Variants in STXBP4 observed in about 807,000 individuals in gnomAD.
STXBP4 encodes syntaxin-binding protein 4.
STXBP4 carries 55 observed loss-of-function variants against 76.1 expected under a neutral mutation model. The ratio of observed to expected loss-of-function variants is 0.72; its 90% confidence interval spans 0.58 to 0.91. The LOEUF (loss-of-function observed/expected upper bound fraction) is 0.91, where lower values mean the gene tolerates loss of function less well. Ranked by LOEUF, STXBP4 falls within the 40% of genes least tolerant of loss-of-function variation. STXBP4 has a pLI of 0.00. For missense variants in STXBP4, 618 were observed against 636.9 expected, an observed-to-expected ratio of 0.97 and a Z score of 0.32; for synonymous variants, 201 against 220.2, an observed-to-expected ratio of 0.91 and a Z score of 0.77.
chr17:55,032,607 T>A (rs773442398), intron 9 of STXBP4, among the ~76,000 whole-genome samples: 5 of 152,216 alleles, frequency 3.3e-5, no homozygotes, highest in Non-Finnish European at 7.3e-5. Context: ...TCTTCTCTGC[T>A]CTTTCTCAAG....
rs894338156 is a variant in STXBP4 at position 55,163,484 on chromosome 17, C to T, written c.*3573C>T. On this transcript the variant is annotated 3_prime_UTR_variant, in exon 18 of 18. Transcript: ENST00000376352. ...GTTCACTAAAGTACCAAGCACAATA[C>T]AAATGCATCTTCGAGTTCTTTGGGC... is the stretch of plus-strand genomic sequence containing the variant. 7 of 152,152 alleles carry T rather than the reference C, an allele frequency of 4.6e-5. No homozygotes were observed. The highest frequency in any genetic ancestry group is 1.2e-4 in the African/African-American group (5 of 41,436). 9.4% of individuals were successfully genotyped at this position (152,152 alleles called of 1,614,324 possible). A position where few individuals can be genotyped will look rare whatever the true frequency, so the allele number is the denominator to read the frequency against.
rs2079140670 is a variant in STXBP4, at chr17:55,073,008, A to G, written c.1120A>G (p.Ile374Val). The change falls in exon 13 of 18, where the codon ATC (isoleucine) becomes GTC (valine). Residue 374 changes from isoleucine (I) to valine (V), a missense_variant. Physicochemically the swap from Ile to Val is conservative, Grantham distance 29. Transcript: ENST00000376352. Reference protein sequence around the residue: ...HGMEMDYEEVIRLLEAKITEL... With the variant: ...HGMEMDYEEVVRLLEAKITEL... ...AATGGAAATGGACTATGAAGAAGTG[A>G]TCCGTCTGTTAGAGGCCAAGATTAC... is the stretch of plus-strand genomic sequence containing the variant. 1 of 1,614,028 alleles carries G rather than the reference A, an allele frequency of 6.2e-7. No individual in the cohort carries two copies. The highest frequency in any genetic ancestry group is 1.7e-5 in the Admixed American group (1 of 60,018).
chr17:54,999,247 G>A lies in STXBP4; in HGVS notation c.181-98G>A, dbSNP rs942128565. On this transcript the variant is annotated intron_variant, in intron 4 of 17. Coordinates refer to ENST00000376352, the MANE Select transcript of STXBP4 (RefSeq NM_178509.6). The stretch of plus-strand genomic sequence containing the variant: ...ATTTTACTTTTTACTCTTTTTGAAG[G>A]CATTCTTCACGAAAACTTTTCATTG... 21 of 883,656 alleles carry A rather than the reference G, an allele frequency of 2.4e-5. No individual in the cohort carries two copies. The Admixed American group carries it at 3.9e-4, about 17-fold the overall frequency. 54.7% of individuals were successfully genotyped at this position (883,656 alleles called of 1,614,324 possible). A position where few individuals can be genotyped will look rare whatever the true frequency, so the allele number is the denominator to read the frequency against.
rs2078502158 is a variant in STXBP4, at chr17:55,031,155, C to T, written c.667-13C>T. On this transcript the variant is annotated splice_polypyrimidine_tract_variant and intron_variant, in intron 8 of 17. Transcript: ENST00000376352. ...TTTGAAAAATTGCTTTTCATGAGTC[C>T]TTTATCTTCCAGGCTCTAAATTATC... 4 of 1,607,702 alleles carry T rather than the reference C, an allele frequency of 2.5e-6. No homozygotes were observed. The highest frequency in any genetic ancestry group is 2.6e-6 in the Non-Finnish European group (3 of 1,175,240).
intron 16 of STXBP4, among the ~76,000 whole-genome samples, chr17:55,139,551 A>C (rs1261093447): frequency 6.6e-6 from 1 of 152,116 alleles, no homozygotes; most frequent in Non-Finnish European, 1.5e-5. Flanking sequence ...GTGATGAATG[A>C]AGTAATCTAT....
At chr17:54,985,743 C>T (rs552437844) in intron 2 of STXBP4, 52 bp downstream of exon 2, 1 of 152,668 alleles carries the variant, frequency 6.6e-6, no homozygotes, top group East Asian at 1.9e-4. Context: ...AATTATTTTT[C>T]TGACTATAAG....
chr17:55,017,604 G>T (rs1408981043), intron 8 of STXBP4, among the ~76,000 whole-genome samples: 2 of 152,224 alleles, frequency 1.3e-5, no homozygotes, highest in Non-Finnish European at 2.9e-5. Flanking sequence ...CAGGAGGTAT[G>T]GGTTAGAAGG....
At chr17:55,047,223 T>C in intron 12 of STXBP4, 69 bp downstream of exon 12, 2 of 835,176 alleles carry the variant, frequency 2.4e-6, no homozygotes, top group Non-Finnish European at 3.7e-6. Flanking sequence ...TGTGTGAACA[T>C]ATGAGGTATA....
intron 12 of STXBP4, among the ~76,000 whole-genome samples, chr17:55,047,828 A>T (rs1169275786): frequency 6.6e-6 from 1 of 151,956 alleles, no homozygotes; most frequent in Non-Finnish European, 1.5e-5. Context: ...TGACTATGTG[A>T]CAAAAAAACA....
intron 16 of STXBP4, among the ~76,000 whole-genome samples, chr17:55,127,493 A>T (rs1484699937): frequency 6.6e-6 from 1 of 152,192 alleles, no homozygotes; most frequent in Non-Finnish European, 1.5e-5. Context: ...TAATCCATCC[A>T]TGGATGGATT....
In STXBP4 at chr17:55,172,804, C is replaced by T. The variant is rs1447763384; in HGVS notation, c.*12893C>T. The T allele has an allele frequency of 6.6e-6, 1 of 152,174 alleles. No homozygotes were observed. Among genetic ancestry groups the T allele is most frequent in the Non-Finnish European group, 1.5e-5 (1 of 68,044 alleles). 9.4% of individuals were successfully genotyped at this position (152,174 alleles called of 1,614,324 possible). ...GATTTGTAAACTGAAGGTCCCAAAT[C>T]CTGGGAACTCCCTCAGCTCTGGGCA... is the stretch of plus-strand genomic sequence containing the variant. On this transcript the variant is annotated 3_prime_UTR_variant, in exon 18 of 18. Transcript: ENST00000376352.
Position 55,168,460 on chromosome 17 carries a change from C to T in STXBP4, c.*8549C>T, listed in dbSNP as rs1400749372. The T allele has an allele frequency of 6.6e-6, 1 of 151,974 alleles. No individual in the cohort carries two copies. The highest frequency in any genetic ancestry group is 1.5e-5 in the Non-Finnish European group (1 of 67,972). 9.4% of individuals were successfully genotyped at this position (151,974 alleles called of 1,614,324 possible). A position where few individuals can be genotyped will look rare whatever the true frequency, so the allele number is the denominator to read the frequency against. The stretch of plus-strand genomic sequence containing the variant: ...CTTCTGTCTCTATAAGTACCATATT[C>T]CCAATTAGTATTTCATCAGTTATAA... On this transcript the variant is annotated 3_prime_UTR_variant, in exon 18 of 18. Coordinates refer to ENST00000376352, the MANE Select transcript of STXBP4 (RefSeq NM_178509.6).
At chr17:55,199,041 A>G in the STXBP4 span, among the ~76,000 whole-genome samples, 3 of 152,222 alleles carry the variant, frequency 2.0e-5, no homozygotes, top group Admixed American at 6.5e-5. Flanking sequence ...TTAATAAAAA[A>G]TCTTTCAAGA....
intron 11 of STXBP4, chr17:55,044,509 T>A (rs985066765): frequency 3.3e-5 from 5 of 151,912 alleles, no homozygotes; most frequent in Non-Finnish European, 4.4e-5. Context: ...TTATATTTTT[T>A]AAAAATAGGC....
intron 8 of STXBP4, among the ~76,000 whole-genome samples, chr17:55,023,059 A>G (rs1294822479): frequency 6.6e-6 from 1 of 152,234 alleles, no homozygotes; most frequent in Non-Finnish European, 1.5e-5. Flanking sequence ...TAAATGGCAT[A>G]ACTTACAGCC....
intron 16 of STXBP4, among the ~76,000 whole-genome samples, chr17:55,097,667 A>AC: frequency 6.6e-6 from 1 of 152,090 alleles, no homozygotes. Context: ...CATCTCAAAA[A>AC]AAAAAAAATT....
the STXBP4 span, among the ~76,000 whole-genome samples, chr17:55,208,609 A>AAGGAAGGAAGGAAAGAAGGAAGGAAG: frequency 3.6e-5 from 1 of 27,722 alleles, no homozygotes; most frequent in African/African-American, 7.1e-5. Context: ...AAGGAAGGAA[A>AAGGAAGGAAGGAAAGAAGGAAGGAAG]GAGAGAGGGA....
chr17:55,049,753 C>A (rs2078835086), intron 12 of STXBP4, among the ~76,000 whole-genome samples: 2 of 151,904 alleles, frequency 1.3e-5, no homozygotes, highest in African/African-American at 4.8e-5. Context: ...ATAAGATCAA[C>A]TCACCTATTT....
the STXBP4 span, among the ~76,000 whole-genome samples, chr17:55,179,935 A>G: frequency 0.74 from 112,694 of 152,040 alleles, 42,512 homozygotes; most frequent in Non-Finnish European, 0.82. Context: ...GGTCAACTGT[A>G]TATATCTATA....
Sources: gnomAD v4.1 joint callset for allele counts (sites outside exome capture counted in the v4.1 genomes callset) on GRCh38, gnomAD v4.1.1 for gene constraint, MANE v1.5 for transcripts, NCBI Gene and HGNC (gene_info 2026-07-23, HGNC 2026-07-21) for gene names.